Variants in TTLL11 observed in about 807,000 individuals in gnomAD.
TTLL11 encodes the protein tubulin tyrosine ligase like 11, also known as tubulin polyglutamylase TTLL11.
In TTLL11, 42 loss-of-function variants were observed where a neutral mutation model predicts 51.7. The ratio of observed to expected loss-of-function variants is 0.81; its 90% CI spans 0.64 to 1.05. The LOEUF is 1.05. Ranked by LOEUF, TTLL11 falls within the 50% of genes least tolerant of loss-of-function variation. TTLL11 has a pLI of 0.00. For synonymous variants in TTLL11, 381 were observed against 383.5 expected, an observed-to-expected ratio of 0.99 and a Z score of 0.08; for missense variants, 799 against 940.4, an observed-to-expected ratio of 0.85 and a Z score of 1.97.
intron 6 of TTLL11, among the ~76,000 whole-genome samples, chr9:121,881,616 G>A (rs756029083): frequency 1.3e-5 from 2 of 152,174 alleles, no homozygotes; most frequent in Non-Finnish European, 2.9e-5. Context: ...GCTTCACTCA[G>A]CATCACGCCA....
intron 6 of TTLL11, chr9:121,884,775 G>A (rs1461721376): frequency 2.0e-5 from 3 of 152,176 alleles, no homozygotes; most frequent in Non-Finnish European, 4.4e-5. Context: ...CACTTCACTT[G>A]TACCTCTCCT....
chr9:121,854,259 T>C (rs1837751690), intron 8 of TTLL11, among the ~76,000 whole-genome samples: 1 of 152,180 alleles, frequency 6.6e-6, no homozygotes. Flanking sequence ...GGCAGGCATG[T>C]AGCTCATCAA....
intron 1 of TTLL11, among the ~76,000 whole-genome samples, chr9:122,077,792 G>A (rs1402691936): frequency 1.4e-5 from 2 of 142,780 alleles, no homozygotes; most frequent in African/African-American, 5.2e-5. Flanking sequence ...TGGAACATTT[G>A]CAAAAACTGA....
rs1039711695 is a variant in TTLL11 at position 122,042,976 on chromosome 9, A to G, written c.463-3608T>C. Among the ~76,000 whole-genome samples, 10 of 152,342 alleles carry G rather than the reference A, an allele frequency of 6.6e-5. 1 individual carries two copies. The highest frequency in any genetic ancestry group is 4.1e-4 in the South Asian group (2 of 4,832). ...ATAGGTGAAGTACAGAGGATTTTAG[A>G]GCAGTGAAAATACTCTGTGTGATAC... On this transcript the variant is annotated intron_variant, in intron 1 of 8. Coordinates refer to ENST00000321582, the MANE Select transcript of TTLL11 (RefSeq NM_001139442.2).
intron 6 of TTLL11, among the ~76,000 whole-genome samples, chr9:121,882,664 G>A (rs550140018): frequency 2.1e-4 from 32 of 151,892 alleles, no homozygotes; most frequent in Non-Finnish European, 3.8e-4. Flanking sequence ...TCACAAACTC[G>A]ATGGCCTGTA....
intron 6 of TTLL11, among the ~76,000 whole-genome samples, chr9:121,908,636 GT>G (rs1840019167): frequency 6.6e-6 from 1 of 152,128 alleles, no homozygotes; most frequent in African/African-American, 2.4e-5. Flanking sequence ...TCATTTGTTT[GT>G]CCATCCAGTT....
Position 121,860,377 on chromosome 9 carries a change from T to G in TTLL11, c.1800A>C (p.Thr600=). 6.4e-7 allele frequency: 1 copy of G among 1,551,468 alleles called. No homozygotes were observed. Among genetic ancestry groups the G allele is most frequent in the Admixed American group, 2.0e-5 (1 of 50,996 alleles). The change falls in exon 8 of 9, where the codon ACA becomes ACC. Residue 600 remains threonine, a synonymous_variant. Coordinates refer to ENST00000321582, the MANE Select transcript of TTLL11 (RefSeq NM_001139442.2). The part of the protein sequence containing the change: ...AAVDILYIDI[T]RRWNSMTLDQ... ...CCAGGGTCATGGAGTTCCACCTCCGTGTGATGTCAATGTAGAGGATGTCCA... is the reference window on the plus strand; with the variant it reads ...CCAGGGTCATGGAGTTCCACCTCCGGGTGATGTCAATGTAGAGGATGTCCA...
chr9:122,083,779 C>T (rs1276952962), intron 1 of TTLL11, among the ~76,000 whole-genome samples: 1 of 151,988 alleles, frequency 6.6e-6, no homozygotes, highest in East Asian at 1.9e-4. Flanking sequence ...CACTGCACTC[C>T]AGCCTGGCTG....
At chr9:121,877,708 AT>A (rs1409545421) in intron 6 of TTLL11, among the ~76,000 whole-genome samples, 1 of 152,234 alleles carries the variant, frequency 6.6e-6, no homozygotes, top group Admixed American at 6.5e-5. Context: ...ATTTAAAAAA[AT>A]TTAATCTTGA....
At chr9:122,047,949 CCTT>C (rs1845062242) in intron 1 of TTLL11, among the ~76,000 whole-genome samples, 1 of 152,110 alleles carries the variant, frequency 6.6e-6, no homozygotes, top group African/African-American at 2.4e-5. Context: ...ACCCATGTCA[CCTT>C]CTCCCTCCTC....
chr9:121,973,184 T>A (rs1336674024), intron 6 of TTLL11, among the ~76,000 whole-genome samples: 1 of 152,188 alleles, frequency 6.6e-6, no homozygotes, highest in Admixed American at 6.5e-5. Context: ...GAAGCACATA[T>A]ATCCACCAAC....
At chr9:121,857,141 CTTCCAGG>C (rs1479230184) in intron 8 of TTLL11, among the ~76,000 whole-genome samples, 4 of 152,220 alleles carry the variant, frequency 2.6e-5, no homozygotes, top group Non-Finnish European at 4.4e-5. Context: ...CTGCTATTTC[CTTCCAGG>C]AGTGAGGAAA....
intron 3 of TTLL11, among the ~76,000 whole-genome samples, chr9:122,005,212 G>A (rs555385086): frequency 1.3e-5 from 2 of 152,292 alleles, no homozygotes; most frequent in East Asian, 3.9e-4. Flanking sequence ...GTCCGGGTGC[G>A]GAGGGGATTC....
chr9:121,977,348 G>T (rs1299619923), intron 4 of TTLL11, among the ~76,000 whole-genome samples: 3 of 152,202 alleles, frequency 2.0e-5, no homozygotes. Flanking sequence ...TCTGAAAAAT[G>T]AGGATAACAA....
At chr9:121,973,522 T>C (rs1304000960) in intron 6 of TTLL11, among the ~76,000 whole-genome samples, 1 of 151,676 alleles carries the variant, frequency 6.6e-6, no homozygotes, top group Admixed American at 6.6e-5. Flanking sequence ...AATTCTGGGT[T>C]GAAAATTCTT....
intron 6 of TTLL11, among the ~76,000 whole-genome samples, chr9:121,948,544 G>A (rs1841749196): frequency 6.6e-6 from 1 of 152,060 alleles, no homozygotes; most frequent in African/African-American, 2.4e-5. Flanking sequence ...CCTTCCATAC[G>A]CCCGGCACAG....
intron 3 of TTLL11, among the ~76,000 whole-genome samples, chr9:122,022,017 A>T (rs1210747686): frequency 6.6e-6 from 1 of 152,212 alleles, no homozygotes; most frequent in Non-Finnish European, 1.5e-5. Context: ...GAGATAAGAG[A>T]TTGAATGGGA....
intron 4 of TTLL11, among the ~76,000 whole-genome samples, chr9:121,986,070 CA>C (rs1564342105): frequency 6.6e-6 from 1 of 152,220 alleles, no homozygotes; most frequent in Non-Finnish European, 1.5e-5. Flanking sequence ...CGTCTCCCCC[CA>C]TGCTCCTCCT....
intron 6 of TTLL11, among the ~76,000 whole-genome samples, chr9:121,965,020 T>C (rs1842359784): frequency 6.6e-6 from 1 of 152,200 alleles, no homozygotes; most frequent in African/African-American, 2.4e-5. Context: ...ACACAGTAAG[T>C]GCTCAATAAA....
Sources: allele counts gnomAD v4.1 joint callset (sites outside exome capture counted in the v4.1 genomes callset), GRCh38; gene constraint gnomAD v4.1.1; transcripts MANE v1.5; gene names NCBI Gene and HGNC (gene_info 2026-07-23, HGNC 2026-07-21).